Variants in PLXNA3 observed in about 807,000 individuals in gnomAD.
PLXNA3 encodes plexin-A3.
In PLXNA3, 52 loss-of-function variants were observed where a neutral mutation model predicts 118.8. That is an observed-to-expected ratio of 0.44 (90% CI 0.35 to 0.55). The LOEUF is 0.55. Among genes scored for constraint, PLXNA3 ranks in the 20% least tolerant of loss-of-function variants. The pLI is 0.01. For missense variants in PLXNA3, 1,660 were observed against 1,730.8 expected (o/e 0.96, Z 0.73); for synonymous variants, 925 against 762.4 (o/e 1.21, Z -3.51).
Position 154,465,431 on chromosome X carries a change from A to T in PLXNA3, c.2252A>T (p.Tyr751Phe). The T allele has an allele frequency of 8.3e-7, 1 of 1,200,614 alleles. No homozygotes were observed. Among genetic ancestry groups the T allele is most frequent in the South Asian group, 1.8e-5 (1 of 56,641 alleles). Residue 751 changes from tyrosine to phenylalanine, a missense_variant, in exon 12 of 33, where the codon TAT becomes TTT. Tyr to Phe is a conservative substitution (Grantham distance 22, BLOSUM62 3). Coordinates refer to ENST00000369682, the MANE Select transcript of PLXNA3 (RefSeq NM_017514.5). ...SVQCQNASYS[Y>F]EGDEHGDTEL... The stretch of plus-strand genomic sequence containing the variant: ...TGGGTTCCTTTCCTCCAGTACTCCT[A>T]TGAAGGTGATGAGCATGGTGACACC...
intron 4 of PLXNA3, 80 bp from the exon 5 acceptor site, chrX:154,463,311 C>T: frequency 5.1e-6 from 6 of 1,181,880 alleles, no homozygotes; most frequent in East Asian, 3.0e-5. Flanking sequence ...TCAGCCACAA[C>T]CTCCAAAGTC....
Position 154,470,438 on chromosome X carries a change from A to G in PLXNA3, c.4987-4A>G, listed in dbSNP as rs782188099. 95 of 1,206,394 alleles carry G rather than the reference A, an allele frequency of 7.9e-5. No homozygotes were observed. In the South Asian group the frequency reaches 1.6e-3, roughly 20 times the overall value. On this transcript the variant is annotated splice_region_variant and splice_polypyrimidine_tract_variant and intron_variant, in intron 29 of 32. Coordinates refer to ENST00000369682, the MANE Select transcript of PLXNA3 (RefSeq NM_017514.5). ...ATAGCCTGTGACCTCTCTGCCCCAC[A>G]CAGGGCACACTGCAGAAGTTCGTGG...
rs782481368 is a variant in PLXNA3, at chrX:154,467,509, G to A, written c.3442-36G>A. The stretch of plus-strand genomic sequence containing the variant: ...TGGGGGCGGGGAGGGGCGGGAAAGT[G>A]GAGAGTCCTGGGCTGAAGTTGTCCT... On this transcript the variant is annotated intron_variant, in intron 19 of 32. Transcript: ENST00000369682. 27 of 1,158,143 alleles carry A rather than the reference G, an allele frequency of 2.3e-5. No homozygotes were observed. The South Asian group carries it at 4.2e-4, about 18-fold the overall frequency.
rs782268075 is a variant in PLXNA3 at position 154,471,525 on chromosome X, G to A, written c.5407G>A (p.Asp1803Asn). ...RDIAKMASIS[D>N]QDMDAYLVEQ... ...CATTGCAAAGATGGCATCCATCAGC[G>A]ACCAGGACATGGATGCCTACCTGGT... The change falls in exon 32 of 33, where the codon GAC becomes AAC. Residue 1803 changes from aspartate to asparagine, a missense_variant. Asp to Asn is a conservative substitution (Grantham distance 23). Around this residue, in one of 2 missense-constraint regions of PLXNA3, gnomAD observed 869 missense variants for 1,078.7 expected, o/e 0.81. Transcript: ENST00000369682. 7.5e-6 allele frequency: 9 copies of A among 1,205,516 alleles called. No individual in the cohort carries two copies. The highest frequency in any genetic ancestry group is 5.9e-5 in the East Asian group (2 of 33,656).
At position 154,468,182 on chromosome X, in the gene PLXNA3, C is replaced by A; in HGVS notation, c.3921C>A (p.Leu1307=). 1 of 1,185,560 alleles carries A rather than the reference C, an allele frequency of 8.4e-7. No individual in the cohort carries two copies. The highest frequency in any genetic ancestry group is 3.0e-5 in the East Asian group (1 of 33,636). Residue 1307 remains leucine, a synonymous_variant, in exon 22 of 33, where the codon CTC becomes CTA. Transcript: ENST00000369682. ...ACCGGACTTACGCCGTGCGCGTGCT[C>A]TTCCCGGGCATCGAGGCCCACCCGG... ...LDYRTYAVRV[L]FPGIEAHPVL... is the part of the protein sequence containing the mutation.
Position 154,471,022 on chromosome X carries a change from G to A in PLXNA3, c.5157-83G>A. The A allele has an allele frequency of 3.8e-6, 3 of 790,759 alleles. No individual in the cohort carries two copies. In the Admixed American group the frequency reaches 7.7e-5, roughly 20 times the overall value. 65.2% of individuals were successfully genotyped at this position (790,759 alleles called of 1,213,427 possible). A position where few individuals can be genotyped will look rare whatever the true frequency, so the allele number is the denominator to read the frequency against. On this transcript the variant is annotated intron_variant, in intron 30 of 32. Transcript: ENST00000369682. ...CTCTGGACAAGATGTGAGCCGGCCC[G>A]ACAGGAAAGAGATGTGCACATGGGA... is the stretch of plus-strand genomic sequence containing the variant.
rs782784290 is a variant in PLXNA3 at position 154,460,230 on chromosome X, G to A, written c.47G>A (p.Gly16Glu). Residue 16 changes from glycine to glutamate, a missense_variant, in exon 2 of 33, where the codon GGG (glycine) becomes GAG (glutamate). By Grantham distance (98) the Gly-to-Glu change is moderately conservative. This residue lies in a region of PLXNA3 where 791 missense variants were observed against 652.1 expected (regional missense o/e 1.21). Transcript: ENST00000369682. The stretch of plus-strand genomic sequence containing the variant: ...CTGCTGCTCTTCCTTGCCGTGGGGG[G>A]GGCCCTGGGCAACAGGCCCTTCCGT... ...LLLLLFLAVG[G>E]ALGNRPFRAF... is the part of the protein sequence containing the mutation. The A allele has an allele frequency of 2.5e-6, 3 of 1,209,583 alleles. No homozygotes were observed. The highest frequency in any genetic ancestry group is 2.2e-5 in the Admixed American group (1 of 46,112).
chrX:154,461,390 C>T lies in PLXNA3; in HGVS notation c.886C>T (p.His296Tyr). ...GGAGTACCGCTTGGTGCAGAGCGCC[C>T]ACCTGGCCAAGCCTGGCCTGCTGCT... ...GVEYRLVQSA[H>Y]LAKPGLLLAQ... Residue 296 changes from histidine (H) to tyrosine (Y), a missense_variant, in exon 3 of 33, where the codon CAC becomes TAC. This residue lies in a region of PLXNA3 where 791 missense variants were observed against 652.1 expected (regional missense o/e 1.21). Transcript: ENST00000369682. 8.3e-7 allele frequency: 1 copy of T among 1,211,809 alleles called. No individual in the cohort carries two copies. The highest frequency in any genetic ancestry group is 3.0e-5 in the East Asian group (1 of 33,848).
chrX:154,466,607 C>T lies in PLXNA3; in HGVS notation c.2937-16C>T. The T allele has an allele frequency of 2.5e-6, 3 of 1,197,376 alleles. No homozygotes were observed. The highest frequency in any genetic ancestry group is 3.0e-5 in the East Asian group (1 of 33,571). ...CCCTGGGCCACCCGCTCCAAGCACC[C>T]TGCTTGCCAATGTAGGAGAGATGCC... On this transcript the variant is annotated splice_polypyrimidine_tract_variant and intron_variant, in intron 16 of 32. Transcript: ENST00000369682.
rs141619578 is a variant in PLXNA3, at chrX:154,463,991, C to T, written c.1588C>T (p.His530Tyr). The part of the protein sequence containing the change: ...EGACLGASAP[H>Y]GFAEELSKCV... Reference sequence around the variant, plus strand: ...GGCCTGTCTGGGCGCCTCTGCCCCACACGGCTTTGCTGAGGAGCTGAGCAA... The same window carrying T: ...GGCCTGTCTGGGCGCCTCTGCCCCATACGGCTTTGCTGAGGAGCTGAGCAA... Residue 530 changes from histidine to tyrosine, a missense_variant, in exon 7 of 33, where the codon CAC (histidine) becomes TAC (tyrosine). By Grantham distance (83) the His-to-Tyr change is moderately conservative. Transcript: ENST00000369682. The T allele has an allele frequency of 2.7e-5, 32 of 1,200,017 alleles. No homozygotes were observed. Among genetic ancestry groups the T allele is most frequent in the Non-Finnish European group, 1.1e-6 (1 of 890,425 alleles).
At position 154,458,360 on chromosome X, in the gene PLXNA3, GC is replaced by G. The variant is rs1203183834; in HGVS notation, c.-94del. ...GAGGCCGTGGGGACGTGCGAGCGGG[GC>G]CGCGGTGGGGCTCGGGGGCGCGTCC... On this transcript the variant is annotated 5_prime_UTR_variant, in exon 1 of 33. Transcript: ENST00000369682. 1 of 110,782 alleles carries G rather than the reference GC, an allele frequency of 9.0e-6. No individual in the cohort carries two copies. The highest frequency in any genetic ancestry group is 1.9e-5 in the Non-Finnish European group (1 of 52,203). 9.1% of individuals were successfully genotyped at this position (110,782 alleles called of 1,213,427 possible).
In PLXNA3 at chrX:154,460,421, C is replaced by G. The variant is rs782124070; in HGVS notation, c.238C>G (p.Pro80Ala). 30 of 1,200,038 alleles carry G rather than the reference C, an allele frequency of 2.5e-5. No individual in the cohort carries two copies. The highest frequency in any genetic ancestry group is 3.3e-5 in the Non-Finnish European group (29 of 888,560). ...CGAGGACAACGCTCGCTGCTACCCG[C>G]CCCCCAGCATGCGCGTGTGTGCCCA... Reference protein sequence around the residue: ...PVEDNARCYPPPSMRVCAHRL... With the variant: ...PVEDNARCYPAPSMRVCAHRL... Residue 80 changes from proline to alanine, a missense_variant, in exon 2 of 33, where the codon CCC becomes GCC. Pro to Ala is a conservative substitution (Grantham distance 27). Transcript: ENST00000369682.
At position 154,462,227 on chromosome X, in the gene PLXNA3, G is replaced by A. The variant is rs199501544; in HGVS notation, c.1234G>A (p.Asp412Asn). Residue 412 changes from aspartate (D) to asparagine (N), a missense_variant, in exon 4 of 33, where the codon GAC becomes AAC. By Grantham distance (23) the Asp-to-Asn change is conservative. Coordinates refer to ENST00000369682, the MANE Select transcript of PLXNA3 (RefSeq NM_017514.5). ...GCTGCCCCTGCTGGCCGACAGCACC[G>A]ACGGCATGGCCAGCGTGGCCGCCTA... ...EGLPLLADST[D>N]GMASVAAYTY... 9.3e-5 allele frequency: 112 copies of A among 1,201,876 alleles called. No homozygotes were observed. The highest frequency in any genetic ancestry group is 5.6e-4 in the African/African-American group (32 of 57,208).
At chrX:154,463,806 A>G (rs2069022729) in intron 6 of PLXNA3, 116 bp downstream of exon 6, 1 of 958,130 alleles carries the variant, frequency 1.0e-6, no homozygotes, top group East Asian at 3.4e-5. Flanking sequence ...TTCTCCAGCT[A>G]ATGAGTGGAA....
Position 154,467,748 on chromosome X carries a change from C to T in PLXNA3, c.3586-19C>T. ...AGGGTGGGCGTGGTGGTCAGCTCACCTCAGGCCTGTCCCCACAGGTGCTGG... is the reference window on the plus strand; with the variant it reads ...AGGGTGGGCGTGGTGGTCAGCTCACTTCAGGCCTGTCCCCACAGGTGCTGG... On this transcript the variant is annotated intron_variant, in intron 20 of 32. Coordinates refer to ENST00000369682, the MANE Select transcript of PLXNA3 (RefSeq NM_017514.5). The T allele has an allele frequency of 8.3e-7, 1 of 1,200,253 alleles. No homozygotes were observed. The highest frequency in any genetic ancestry group is 1.1e-6 in the Non-Finnish European group (1 of 891,717).
chrX:154,472,132 T>C (rs369459864), intron 32 of PLXNA3, among the ~76,000 whole-genome samples: 2 of 110,659 alleles, frequency 1.8e-5, no homozygotes, highest in East Asian at 5.7e-4. Flanking sequence ...GCGGGGAGGA[T>C]GCCTGAGAGC....
chrX:154,472,552 C>T (rs374788150), intron 32 of PLXNA3, 38 bp from the exon 33 acceptor site: 1 of 983,744 alleles, frequency 1.0e-6, no homozygotes, highest in African/African-American at 1.9e-5. Flanking sequence ...AGCTGCGCCC[C>T]CTACAGAGCC....
At chrX:154,469,516 A>T in intron 27 of PLXNA3, 34 bp downstream of exon 27, 2 of 1,086,749 alleles carry the variant, frequency 1.8e-6, no homozygotes, top group Non-Finnish European at 2.5e-6. Flanking sequence ...CCCCAGGGCC[A>T]CCTGGGAGCC....
chrX:154,458,688 C>T (rs1181211659), intron 1 of PLXNA3, among the ~76,000 whole-genome samples: 2 of 112,101 alleles, frequency 1.8e-5, no homozygotes, highest in African/African-American at 3.2e-5. Flanking sequence ...AAGGGCTCCG[C>T]GAGTCCGCCG....
Sources: gnomAD v4.1 joint callset for allele counts (sites outside exome capture counted in the v4.1 genomes callset) on GRCh38, gnomAD v4.1.1 for gene constraint, gnomAD v4.1.1 regional missense constraint, MANE v1.5 for transcripts, NCBI Gene and HGNC (gene_info 2026-07-23, HGNC 2026-07-21) for gene names.